GRIN2A: variants seen among roughly 807,000 people sequenced by gnomAD.
GRIN2A encodes glutamate receptor ionotropic, NMDA 2A.
GRIN2A carries 22 observed loss-of-function variants against 113.4 expected under a neutral mutation model. The ratio of observed to expected loss-of-function variants is 0.19; its 90% confidence interval spans 0.14 to 0.28. GRIN2A has a LOEUF of 0.28. GRIN2A is among the 10% of genes least tolerant of loss of function. The pLI is 1.00. For synonymous variants in GRIN2A, 827 were observed against 738.4 expected, an observed-to-expected ratio of 1.12 and a Z score of -1.94; for missense variants, 1,502 against 1,887.0, an observed-to-expected ratio of 0.80 and a Z score of 3.78.
At chr16:9,833,899 T>C (rs561874349) in intron 8 of GRIN2A, among the ~76,000 whole-genome samples, 2 of 152,230 alleles carry the variant, frequency 1.3e-5, no homozygotes, top group East Asian at 1.9e-4. Context: ...TTTGTATTTT[T>C]AGTAGAGATG....
chr16:10,145,155 T>C (rs1369836613), intron 2 of GRIN2A, among the ~76,000 whole-genome samples: 1 of 152,000 alleles, frequency 6.6e-6, no homozygotes, highest in Admixed American at 6.6e-5. Context: ...GAGAATAGAA[T>C]GGTGGTTGCC....
intron 11 of GRIN2A, among the ~76,000 whole-genome samples, chr16:9,789,311 A>G (rs762865054): frequency 6.6e-6 from 1 of 152,112 alleles, no homozygotes; most frequent in Non-Finnish European, 1.5e-5. Flanking sequence ...CAGACTAAAG[A>G]ACAGATTTCA....
At chr16:10,179,849 G>T in intron 2 of GRIN2A, 149 bp downstream of exon 2, 1 of 721,114 alleles carries the variant, frequency 1.4e-6, no homozygotes, top group Non-Finnish European at 2.5e-6. Context: ...GCAAGACCTG[G>T]TTCTCACCAG....
rs552549806 is a variant in GRIN2A at position 10,038,240 on chromosome 16, G to A, written c.415-99689C>T. Among the ~76,000 whole-genome samples, 6 of 152,012 alleles carry A rather than the reference G, an allele frequency of 3.9e-5. 1 individual carries two copies. In the East Asian group the frequency reaches 1.2e-3, roughly 30 times the overall value. ...TAGAGATTTTTGCCTTGCCTGGCTT[G>A]CCCTAATCCCATTCATGACTTAATC... On this transcript the variant is annotated intron_variant, in intron 2 of 12. Transcript: ENST00000330684.
chr16:9,969,783 T>A (rs549759098), intron 2 of GRIN2A, among the ~76,000 whole-genome samples: 4 of 152,332 alleles, frequency 2.6e-5, no homozygotes, highest in African/African-American at 9.6e-5. Flanking sequence ...GGGTTGCTGC[T>A]AAACATCCTA....
At chr16:9,790,076 G>T (rs1034674327) in intron 11 of GRIN2A, among the ~76,000 whole-genome samples, 1 of 152,136 alleles carries the variant, frequency 6.6e-6, no homozygotes, top group African/African-American at 2.4e-5. Flanking sequence ...CTCCTGTCTT[G>T]CCTCTACTGT....
chr16:10,126,870 G>A (rs1352040315), intron 2 of GRIN2A, among the ~76,000 whole-genome samples: 1 of 152,014 alleles, frequency 6.6e-6, no homozygotes, highest in East Asian at 1.9e-4. Context: ...CTTGTCTTTT[G>A]GCCTACAGCA....
At chr16:10,038,409 C>T (rs71379066) in intron 2 of GRIN2A, among the ~76,000 whole-genome samples, 3,605 of 152,158 alleles carry the variant, frequency 0.024, 55 homozygotes, top group Middle Eastern at 0.071. Context: ...CCCAGCACTG[C>T]GAACATTTGG....
intron 11 of GRIN2A, among the ~76,000 whole-genome samples, chr16:9,774,201 G>A (rs1057297496): frequency 6.6e-6 from 1 of 152,192 alleles, no homozygotes; most frequent in Admixed American, 6.5e-5. Flanking sequence ...GTGGAAGCCA[G>A]GGGTTTTATA....
chr16:9,774,698 A>C (rs973062640), intron 11 of GRIN2A, among the ~76,000 whole-genome samples: 22 of 152,266 alleles, frequency 1.4e-4, no homozygotes, highest in Admixed American at 2.0e-4. Flanking sequence ...TTCAGTTTTA[A>C]TATCGAGCAA....
In GRIN2A at chr16:9,835,217, T is replaced by C. The variant is rs569657127; in HGVS notation, c.1652-987A>G. ...AATTGAAAGTCAATTGAGGATATTA[T>C]CTTCACATGATAATTCAATAAAAAA... On this transcript the variant is annotated intron_variant, in intron 7 of 12. Coordinates refer to ENST00000330684, the MANE Select transcript of GRIN2A (RefSeq NM_001134407.3). Among the ~76,000 whole-genome samples, 109 of 152,294 alleles carry C rather than the reference T, an allele frequency of 7.2e-4. 1 individual carries two copies. Among genetic ancestry groups the C allele is most frequent in the African/African-American group, 2.5e-3 (104 of 41,562 alleles).
intron 5 of GRIN2A, among the ~76,000 whole-genome samples, chr16:9,841,424 T>A (rs549895922): frequency 2.6e-5 from 4 of 152,292 alleles, no homozygotes; most frequent in Non-Finnish European, 5.9e-5. Flanking sequence ...ATTAAACAGG[T>A]AAAAATTACC....
At chr16:10,134,495 G>A in intron 2 of GRIN2A, among the ~76,000 whole-genome samples, 1 of 148,334 alleles carries the variant, frequency 6.7e-6, no homozygotes, top group East Asian at 2.0e-4. Flanking sequence ...GGGGCTGGGG[G>A]AGGGATAGCA....
intron 8 of GRIN2A, among the ~76,000 whole-genome samples, chr16:9,832,537 A>G (rs984955925): frequency 7.9e-5 from 12 of 152,184 alleles, no homozygotes; most frequent in African/African-American, 2.9e-4. Context: ...ACTAAATTCT[A>G]AACTGCCTGA....
intron 2 of GRIN2A, among the ~76,000 whole-genome samples, chr16:10,155,572 G>A (rs1263496866): frequency 2.0e-5 from 3 of 152,180 alleles, no homozygotes; most frequent in African/African-American, 4.8e-5. Context: ...TTGGTATAAC[G>A]ATTTAATGTA....
chr16:10,045,460 G>A (rs1249885958), intron 2 of GRIN2A, among the ~76,000 whole-genome samples: 2 of 151,516 alleles, frequency 1.3e-5, no homozygotes, highest in East Asian at 1.9e-4. Flanking sequence ...CTAAGACTCC[G>A]AATCTGCACT....
chr16:9,773,175 T>C (rs1901384089), intron 11 of GRIN2A, among the ~76,000 whole-genome samples: 2 of 152,240 alleles, frequency 1.3e-5, no homozygotes, highest in Non-Finnish European at 2.9e-5. Context: ...GAGCATTGAA[T>C]CCATATTTTC....
intron 2 of GRIN2A, among the ~76,000 whole-genome samples, chr16:10,106,268 A>G (rs1040906349): frequency 1.3e-5 from 2 of 150,016 alleles, no homozygotes; most frequent in African/African-American, 4.9e-5. Context: ...TAATTTACAC[A>G]TAAGAAAAAG....
Position 9,849,842 on chromosome 16 carries a change from G to C in GRIN2A, c.1242C>G (p.Ala414=). The C allele has an allele frequency of 3.7e-6, 6 of 1,613,868 alleles. No individual in the cohort carries two copies. The highest frequency in any genetic ancestry group is 5.1e-6 in the Non-Finnish European group (6 of 1,179,860). Residue 414 remains alanine (A), a synonymous_variant, in exon 5 of 13, where the codon GCC becomes GCG. Coordinates refer to ENST00000330684, the MANE Select transcript of GRIN2A (RefSeq NM_001134407.3). ...NHLSIVTLEE[A]PFVIVEDIDP... Reference sequence around the variant, plus strand: ...CTATGTCTTCCACGATGACGAATGGGGCCTCCTCCAGGGTGACGATGCTGA... The same window carrying C: ...CTATGTCTTCCACGATGACGAATGGCGCCTCCTCCAGGGTGACGATGCTGA...
Sources: allele counts gnomAD v4.1 joint callset (sites outside exome capture counted in the v4.1 genomes callset), GRCh38; gene constraint gnomAD v4.1.1; transcripts MANE v1.5; gene names NCBI Gene and HGNC (gene_info 2026-07-23, HGNC 2026-07-21).